The following HSDL2 variants were observed in gnomAD, a reference collection of about 807,000 sequenced individuals.
HSDL2 encodes hydroxysteroid dehydrogenase-like protein 2.
Under a neutral mutation model 46.3 loss-of-function variants are expected in HSDL2, and 27 were observed. The observed-to-expected ratio is 0.58, with a 90% CI of 0.43 to 0.80. HSDL2 has a LOEUF of 0.80. HSDL2 is among the 30% of genes least tolerant of loss of function. The probability of loss-of-function intolerance (pLI) is 0.00; values close to 1 mark genes in which losing one functional copy is unlikely to be tolerated. For missense variants in HSDL2, 451 were observed against 502.7 expected, an observed-to-expected ratio of 0.90 and a Z score of 0.98; for synonymous variants, 153 against 163.6, an observed-to-expected ratio of 0.94 and a Z score of 0.50.
intron 1 of HSDL2, among the ~76,000 whole-genome samples, chr9:112,381,078 T>C (rs1348073563): frequency 5.0e-5 from 3 of 60,366 alleles, no homozygotes; most frequent in African/African-American, 6.8e-5. Flanking sequence ...ATAATTTGTA[T>C]ACATCCGGAT....
chr9:112,427,399 C>A (rs1175658282), intron 6 of HSDL2, among the ~76,000 whole-genome samples: 2 of 152,234 alleles, frequency 1.3e-5, no homozygotes, highest in Non-Finnish European at 1.5e-5. Flanking sequence ...AGCATCATTT[C>A]ATCTGTACAT....
intron 6 of HSDL2, among the ~76,000 whole-genome samples, chr9:112,429,759 A>G (rs1419248450): frequency 2.0e-5 from 3 of 152,182 alleles, no homozygotes; most frequent in African/African-American, 7.2e-5. Flanking sequence ...AGTCTCAGCC[A>G]TTGAGGAAGG....
At chr9:112,462,189 C>T (rs1005726665) in intron 10 of HSDL2, among the ~76,000 whole-genome samples, 1 of 152,108 alleles carries the variant, frequency 6.6e-6, no homozygotes, top group Admixed American at 6.5e-5. Flanking sequence ...TTAGGCCAGG[C>T]GTGGTGGTTC....
chr9:112,448,607 G>A (rs537922815), intron 8 of HSDL2, among the ~76,000 whole-genome samples: 15 of 151,704 alleles, frequency 9.9e-5, no homozygotes, highest in South Asian at 2.1e-4. Context: ...GGAGTGCAGC[G>A]GCATTTTCTT....
chr9:112,413,689 T>C (rs2132635869), intron 4 of HSDL2, among the ~76,000 whole-genome samples: 1 of 152,306 alleles, frequency 6.6e-6, no homozygotes, highest in East Asian at 1.9e-4. Flanking sequence ...CTCTGAACAG[T>C]TGATTTTTCT....
intron 5 of HSDL2, among the ~76,000 whole-genome samples, chr9:112,417,167 G>A (rs7853602): frequency 0.42 from 63,556 of 151,848 alleles, 13,414 homozygotes; most frequent in Middle Eastern, 0.51. Flanking sequence ...GCTCTTAATG[G>A]TTCAGTTTGA....
intron 8 of HSDL2, among the ~76,000 whole-genome samples, chr9:112,442,062 G>A (rs1039447038): frequency 2.0e-5 from 3 of 151,498 alleles, no homozygotes; most frequent in South Asian, 2.1e-4. Context: ...AGGAGTTTGC[G>A]ACGAGCTTGG....
intron 1 of HSDL2, among the ~76,000 whole-genome samples, chr9:112,386,796 G>A (rs1198914174): frequency 1.3e-5 from 2 of 152,040 alleles, no homozygotes; most frequent in Non-Finnish European, 2.9e-5. Context: ...ATAATAGTAA[G>A]TTAGATTTCT....
intron 10 of HSDL2, among the ~76,000 whole-genome samples, chr9:112,465,282 C>T (rs916759148): frequency 1.3e-5 from 2 of 152,148 alleles, no homozygotes; most frequent in African/African-American, 4.8e-5. Flanking sequence ...GAGCCCACTA[C>T]CACGCCTGGC....
intron 4 of HSDL2, among the ~76,000 whole-genome samples, chr9:112,416,331 A>C (rs1230180869): frequency 2.0e-5 from 3 of 151,788 alleles, no homozygotes; most frequent in African/African-American, 7.3e-5. Flanking sequence ...CAGGAGGCTG[A>C]GGTGAGAGGA....
chr9:112,383,196 C>T lies in HSDL2; in HGVS notation c.17+3016C>T, dbSNP rs562978835. On this transcript the variant is annotated intron_variant, in intron 1 of 10. Transcript: ENST00000398805. ...TTAAGTGGTTCTCCTGCCTTAGCCT[C>T]ACAAGTAGCTGGGATTACAGGCGCA... Among the ~76,000 whole-genome samples, 27 of 152,154 alleles carry T rather than the reference C, an allele frequency of 1.8e-4. 1 individual carries two copies. The highest frequency in any genetic ancestry group is 5.1e-4 in the African/African-American group (21 of 41,504).
chr9:112,404,081 C>T lies in HSDL2; in HGVS notation c.104C>T (p.Ala35Val). 6.2e-7 allele frequency: 1 copy of T among 1,614,056 alleles called. No homozygotes were observed. Among genetic ancestry groups the T allele is most frequent in the Admixed American group, 1.7e-5 (1 of 59,998 alleles). ...GCATTGAAAGCAGCAAAGGATGGAG[C>T]AAATATTGTTATTGCTGCAAAGACC... ...AIALKAAKDG[A>V]NIVIAAKTAQ... Residue 35 changes from alanine (A) to valine (V), a missense_variant, in exon 2 of 11, where the codon GCA becomes GTA. Physicochemically the swap from Ala to Val is moderately conservative, Grantham distance 64. Coordinates refer to ENST00000398805, the MANE Select transcript of HSDL2 (RefSeq NM_032303.5).
chr9:112,467,579 G>A (rs1364779636), intron 10 of HSDL2, among the ~76,000 whole-genome samples: 1 of 152,008 alleles, frequency 6.6e-6, no homozygotes, highest in East Asian at 1.9e-4. Flanking sequence ...CCATCATTCC[G>A]GCTCCATCCT....
intron 4 of HSDL2, among the ~76,000 whole-genome samples, chr9:112,410,988 T>A (rs1304697163): frequency 1.3e-5 from 2 of 152,174 alleles, no homozygotes; most frequent in Admixed American, 6.5e-5. Context: ...AAGTCCAGAT[T>A]TCTAGCTTTT....
At chr9:112,456,800 G>A (rs10759565) in intron 9 of HSDL2, among the ~76,000 whole-genome samples, 144,987 of 152,174 alleles carry the variant, frequency 0.95, 69,126 homozygotes, top group South Asian at 0.98. Flanking sequence ...GAAATCTGCT[G>A]AGTGTCTGGC....
intron 6 of HSDL2, among the ~76,000 whole-genome samples, chr9:112,427,665 C>G (rs943856805): frequency 1.3e-5 from 2 of 152,056 alleles, no homozygotes; most frequent in Non-Finnish European, 2.9e-5. Flanking sequence ...CCACTTATTT[C>G]TTGAAAAACC....
intron 1 of HSDL2, 55 bp from the exon 2 acceptor site, chr9:112,403,940 T>C (rs1831664179): frequency 6.5e-7 from 1 of 1,535,400 alleles, no homozygotes; most frequent in Non-Finnish European, 8.9e-7. Flanking sequence ...TTCTGATACC[T>C]GTCAGTAAAT....
intron 10 of HSDL2, among the ~76,000 whole-genome samples, chr9:112,466,736 A>G (rs1484136997): frequency 6.6e-6 from 1 of 152,112 alleles, no homozygotes; most frequent in Non-Finnish European, 1.5e-5. Flanking sequence ...AGTGTCATAT[A>G]TAAGAATCCT....
In HSDL2 at chr9:112,447,560, G is replaced by A. The variant is rs982731634; in HGVS notation, c.865+5790G>A. Among the ~76,000 whole-genome samples the A allele has an allele frequency of 3.9e-5, 6 of 152,126 alleles. No homozygotes were observed. In the South Asian group the frequency reaches 1.0e-3, roughly 26 times the overall value. ...TTCTCTCTGGTGTAACTGCTAAAACGAAACACATGACCTGCCTTTGGAAAC... is the reference window on the plus strand; with the variant it reads ...TTCTCTCTGGTGTAACTGCTAAAACAAAACACATGACCTGCCTTTGGAAAC... On this transcript the variant is annotated intron_variant, in intron 8 of 10. Coordinates refer to ENST00000398805, the MANE Select transcript of HSDL2 (RefSeq NM_032303.5).
Sources: gnomAD v4.1 joint callset for allele counts (sites outside exome capture counted in the v4.1 genomes callset) on GRCh38, gnomAD v4.1.1 for gene constraint, MANE v1.5 for transcripts, NCBI Gene and HGNC (gene_info 2026-07-23, HGNC 2026-07-21) for gene names.